CDH13: variants seen among roughly 807,000 people sequenced by gnomAD.
CDH13 encodes cadherin 13.
CDH13 carries 24 observed loss-of-function variants against 63.8 expected under a neutral mutation model. The observed-to-expected ratio is 0.38, with a 90% CI of 0.27 to 0.53. The LOEUF (loss-of-function observed/expected upper bound fraction) is 0.53. Ranked by LOEUF, CDH13 falls within the 20% of genes least tolerant of loss-of-function variation. The probability of loss-of-function intolerance (pLI) is 0.85; values close to 1 mark genes in which losing one functional copy is unlikely to be tolerated. For missense variants in CDH13, 1,049 were observed against 903.1 expected, an observed-to-expected ratio of 1.16 and a Z score of -2.07; for synonymous variants, 503 against 355.3, an observed-to-expected ratio of 1.42 and a Z score of -4.67.
intron 3 of CDH13, among the ~76,000 whole-genome samples, chr16:83,095,417 C>A (rs745911456): frequency 1.4e-4 from 22 of 152,308 alleles, no homozygotes; most frequent in African/African-American, 5.1e-4. Context: ...AATTTGTAAA[C>A]ATCATCAGTG....
chr16:83,418,924 C>T (rs1200255174), intron 6 of CDH13, among the ~76,000 whole-genome samples: 1 of 152,118 alleles, frequency 6.6e-6, no homozygotes, highest in East Asian at 1.9e-4. Flanking sequence ...GAATTTTCAG[C>T]AGATGCTTCT....
chr16:83,300,994 C>T (rs1027666717), intron 5 of CDH13, among the ~76,000 whole-genome samples: 2 of 138,770 alleles, frequency 1.4e-5, no homozygotes, highest in East Asian at 4.6e-4. Context: ...TAATATTGCA[C>T]ATGTTGAACT....
At position 82,884,676 on chromosome 16, in the gene CDH13, T is replaced by C. The variant is rs534002049; in HGVS notation, c.157+26203T>C. Among the ~76,000 whole-genome samples the C allele has an allele frequency of 5.9e-5, 9 of 152,336 alleles. 1 individual carries two copies. In the South Asian group the frequency reaches 1.0e-3, roughly 18 times the overall value. ...CTTGACTGCCCCAATTCATCTGTTATGCAATTGAACTGGAAACAGCTCAGA... is the reference window on the plus strand; with the variant it reads ...CTTGACTGCCCCAATTCATCTGTTACGCAATTGAACTGGAAACAGCTCAGA... On this transcript the variant is annotated intron_variant, in intron 2 of 13. Coordinates refer to ENST00000567109, the MANE Select transcript of CDH13 (RefSeq NM_001257.5).
chr16:83,054,303 G>A, intron 3 of CDH13, among the ~76,000 whole-genome samples: 1 of 152,168 alleles, frequency 6.6e-6, no homozygotes, highest in Non-Finnish European at 1.5e-5. Flanking sequence ...GACACAATCA[G>A]AGATTAAAAA....
At chr16:82,987,883 G>T (rs556336003) in intron 2 of CDH13, among the ~76,000 whole-genome samples, 1 of 152,286 alleles carries the variant, frequency 6.6e-6, no homozygotes, top group Admixed American at 6.5e-5. Context: ...GATTTGGAAA[G>T]GTAACCTGGA....
At chr16:83,793,550 G>A (rs1461741434) in intron 13 of CDH13, among the ~76,000 whole-genome samples, 3 of 152,174 alleles carry the variant, frequency 2.0e-5, no homozygotes, top group African/African-American at 7.2e-5. Flanking sequence ...GCCATGAGAT[G>A]CCTTTTTTCC....
chr16:83,278,545 A>G (rs140650638), intron 5 of CDH13, among the ~76,000 whole-genome samples: 5 of 152,314 alleles, frequency 3.3e-5, no homozygotes, highest in African/African-American at 1.2e-4. Flanking sequence ...GGCATCACTA[A>G]ACACGGTAAT....
At chr16:83,308,616 G>A (rs1043165360) in intron 5 of CDH13, among the ~76,000 whole-genome samples, 3 of 152,232 alleles carry the variant, frequency 2.0e-5, no homozygotes, top group African/African-American at 7.2e-5. Flanking sequence ...GAGCCTGGGT[G>A]ATTTATGGCA....
Position 83,783,433 on chromosome 16 carries a change from C to T in CDH13, c.2095C>T (p.Leu699=). 6.2e-7 allele frequency: 1 copy of T among 1,613,994 alleles called. No individual in the cohort carries two copies. The highest frequency in any genetic ancestry group is 8.5e-7 in the Non-Finnish European group (1 of 1,179,852). ...CGCGGCAGGGGCCCTGCGCTTCAGC[C>T]TGCCCTCAGTCCTGCTCCTCAGCCT... ...CNAAGALRFS[L]PSVLLLSLFS... is the part of the protein sequence containing the mutation. The change falls in exon 13 of 14, where the codon CTG becomes TTG. Residue 699 remains leucine (L), a synonymous_variant. Transcript: ENST00000567109.
chr16:83,581,176 A>C (rs1422182233), intron 7 of CDH13, among the ~76,000 whole-genome samples: 2 of 152,188 alleles, frequency 1.3e-5, no homozygotes, highest in African/African-American at 4.8e-5. Flanking sequence ...TCATTGATCC[A>C]ACAAATGCAC....
intron 2 of CDH13, among the ~76,000 whole-genome samples, chr16:83,016,804 A>G (rs1357951517): frequency 6.6e-6 from 1 of 150,510 alleles, no homozygotes; most frequent in Non-Finnish European, 1.5e-5. Flanking sequence ...GGTGTTTAAA[A>G]TGCTTTTGGA....
At chr16:82,680,786 C>T (rs1914457986) in intron 1 of CDH13, among the ~76,000 whole-genome samples, 1 of 152,116 alleles carries the variant, frequency 6.6e-6, no homozygotes, top group Admixed American at 6.5e-5. Flanking sequence ...ACCTCTAGGC[C>T]TGAAAGGGCA....
intron 1 of CDH13, among the ~76,000 whole-genome samples, chr16:82,645,961 G>T (rs11150484): frequency 6.6e-6 from 1 of 152,130 alleles, no homozygotes; most frequent in Non-Finnish European, 1.5e-5. Context: ...ACTTTTGGGG[G>T]TTATCTGTTC....
intron 1 of CDH13, among the ~76,000 whole-genome samples, chr16:82,647,495 C>A (rs953662137): frequency 6.6e-6 from 1 of 152,172 alleles, no homozygotes; most frequent in Non-Finnish European, 1.5e-5. Context: ...GGGTCTGTTA[C>A]TCAGGCAGGT....
intron 5 of CDH13, among the ~76,000 whole-genome samples, chr16:83,326,713 A>C (rs2090370795): frequency 6.6e-6 from 1 of 152,128 alleles, no homozygotes; most frequent in African/African-American, 2.4e-5. Flanking sequence ...GTTATGAGCA[A>C]AGGAACAAGT....
At chr16:83,752,787 A>G (rs1913192427) in intron 11 of CDH13, among the ~76,000 whole-genome samples, 4 of 152,202 alleles carry the variant, frequency 2.6e-5, no homozygotes, top group Admixed American at 2.6e-4. Context: ...GTGAGAAATG[A>G]GTGAAGTGCT....
At chr16:83,022,464 C>G (rs1237176319) in intron 2 of CDH13, among the ~76,000 whole-genome samples, 1 of 152,190 alleles carries the variant, frequency 6.6e-6, no homozygotes, top group Non-Finnish European at 1.5e-5. Flanking sequence ...AAGTTGCAAG[C>G]CAACTGAAGG....
chr16:83,300,255 T>G (rs560677743), intron 5 of CDH13, among the ~76,000 whole-genome samples: 19 of 152,368 alleles, frequency 1.2e-4, no homozygotes, highest in African/African-American at 4.3e-4. Flanking sequence ...TTTTGTAGTT[T>G]AAACTCCTGG....
At chr16:83,223,925 G>T (rs376227135) in intron 5 of CDH13, among the ~76,000 whole-genome samples, 1 of 152,074 alleles carries the variant, frequency 6.6e-6, no homozygotes, top group East Asian at 1.9e-4. Context: ...AGATTTTGCT[G>T]CACCCATCAC....
Sources: allele counts gnomAD v4.1 joint callset (sites outside exome capture counted in the v4.1 genomes callset), GRCh38; gene constraint gnomAD v4.1.1; transcripts MANE v1.5; gene names NCBI Gene and HGNC (gene_info 2026-07-23, HGNC 2026-07-21).